Variants in SLC39A14 observed in about 807,000 individuals in gnomAD.
The protein encoded by SLC39A14 is metal cation symporter ZIP14.
In SLC39A14, 19 loss-of-function variants were observed where a neutral mutation model predicts 45.5. That is an observed-to-expected ratio of 0.42 (90% confidence interval 0.29 to 0.61). SLC39A14 has a LOEUF of 0.61. Among genes scored for constraint, SLC39A14 ranks in the 20% least tolerant of loss-of-function variants. SLC39A14 has a pLI of 0.22. For missense variants in SLC39A14, 447 were observed against 616.5 expected (o/e 0.73, Z 2.91); for synonymous variants, 264 against 251.3 (o/e 1.05, Z -0.48).
chr8:22,398,661 G>A, intron 1 of SLC39A14: 2 of 949,896 alleles, frequency 2.1e-6, no homozygotes, highest in Middle Eastern at 5.5e-4. Flanking sequence ...CGTCACAGAA[G>A]TGAATGTTTG....
Position 22,422,245 on chromosome 8 carries a change from C to T in SLC39A14, c.*2547C>T. On this transcript the variant is annotated 3_prime_UTR_variant, in exon 9 of 9. Transcript: ENST00000381237. ...TAGCAAGGAAAGTGTATGTCACGTG[C>T]AGGAACAGTGAGGCAGGGACAGGGG... 1 of 985,526 alleles carries T rather than the reference C, an allele frequency of 1.0e-6. No homozygotes were observed. The highest frequency in any genetic ancestry group is 1.2e-6 in the Non-Finnish European group (1 of 829,930). The allele number at this position is 985,526 out of a possible 1,614,324, so 61.0% of individuals were successfully genotyped here. A position where few individuals can be genotyped will look rare whatever the true frequency, so the allele number is the denominator to read the frequency against.
rs780465988 is a variant in SLC39A14, at chr8:22,419,758, C to T, written c.*60C>T. 8 of 1,509,840 alleles carry T rather than the reference C, an allele frequency of 5.3e-6. No individual in the cohort carries two copies. The highest frequency in any genetic ancestry group is 1.3e-5 in the South Asian group (1 of 74,516). The allele number at this position is 1,509,840 out of a possible 1,614,324, so 93.5% of individuals were successfully genotyped here. The stretch of plus-strand genomic sequence containing the variant: ...GCCCTGGGCTGCCCGATCGCCAGCC[C>T]GAGGACTTACCATCCACAATGCACC... On this transcript the variant is annotated 3_prime_UTR_variant, in exon 9 of 9. Transcript: ENST00000381237.
At chr8:22,433,262 C>T (rs1413996453) in intron 8 of SLC39A14, among the ~76,000 whole-genome samples, 1 of 151,338 alleles carries the variant, frequency 6.6e-6, no homozygotes, top group Non-Finnish European at 1.5e-5. Flanking sequence ...AGTTTTGGTT[C>T]GTTTCCATAT....
intron 1 of SLC39A14, among the ~76,000 whole-genome samples, chr8:22,395,102 C>T (rs1422637288): frequency 2.0e-5 from 3 of 151,892 alleles, no homozygotes; most frequent in African/African-American, 7.3e-5. Flanking sequence ...CTTCGCCTCC[C>T]GGGTTCAAGC....
At position 22,408,361 on chromosome 8, in the gene SLC39A14, C is replaced by T; in HGVS notation, c.322C>T (p.Arg108Trp). The T allele has an allele frequency of 1.2e-6, 2 of 1,614,212 alleles. No individual in the cohort carries two copies. Among genetic ancestry groups the T allele is most frequent in the Non-Finnish European group, 1.7e-6 (2 of 1,180,024 alleles). The change falls in exon 3 of 9, where the codon CGG (arginine) becomes TGG (tryptophan). Residue 108 changes from arginine (R) to tryptophan (W), a missense_variant. By Grantham distance (101) the Arg-to-Trp change is moderately radical (BLOSUM62 -3). Around this residue, in one of 2 missense-constraint regions of SLC39A14, gnomAD observed 342 missense variants for 428.1 expected, o/e 0.80. Coordinates refer to ENST00000381237, the MANE Select transcript of SLC39A14 (RefSeq NM_001128431.4). ...FTAHNFSEQS[R>W]IGSSELQEFC... is the part of the protein sequence containing the mutation. ...TGCCCACAATTTCAGCGAGCAGTCG[C>T]GGATTGGGAGCAGCGAGCTCCAGGA...
chr8:22,398,431 G>T (rs1051942111), intron 1 of SLC39A14: 2 of 152,296 alleles, frequency 1.3e-5, no homozygotes, highest in Admixed American at 1.3e-4. Flanking sequence ...AATCGTCTGA[G>T]TTGGGCAAGT....
At position 22,422,295 on chromosome 8, in the gene SLC39A14, C is replaced by T. The variant is rs182896428; in HGVS notation, c.*2597C>T. On this transcript the variant is annotated 3_prime_UTR_variant, in exon 9 of 9. Transcript: ENST00000381237. ...GTTCTGCTCCTTCTCACTTCACCAC[C>T]GGCACACAGCTTGCCCCTGTCTTTG... The T allele has an allele frequency of 2.1e-5, 21 of 985,666 alleles. No individual in the cohort carries two copies. The highest frequency in any genetic ancestry group is 9.4e-5 in the South Asian group (2 of 21,276). The allele number at this position is 985,666 out of a possible 1,614,324, so 61.1% of individuals were successfully genotyped here.
chr8:22,406,795 C>A (rs956928837), intron 2 of SLC39A14, among the ~76,000 whole-genome samples: 1 of 152,168 alleles, frequency 6.6e-6, no homozygotes, highest in Non-Finnish European at 1.5e-5. Context: ...CCCGTGCCCC[C>A]GCGGGGTAAT....
intron 1 of SLC39A14, among the ~76,000 whole-genome samples, chr8:22,381,464 G>T (rs1364889991): frequency 6.6e-6 from 1 of 150,862 alleles, no homozygotes; most frequent in Non-Finnish European, 1.5e-5. Flanking sequence ...TAGAGATGGG[G>T]TTTCACCGAG....
At chr8:22,425,889 G>GTTTTTTT (rs549782856), downstream of SLC39A14, among the ~76,000 whole-genome samples, 3 of 76,318 alleles carry the variant, frequency 3.9e-5, no homozygotes, top group Non-Finnish European at 6.1e-5. Flanking sequence ...GATGGTTTTT[G>GTTTTTTT]TTTTTTTTTT....
downstream of SLC39A14, chr8:22,422,832 G>C: frequency 2.0e-6 from 1 of 490,742 alleles, no homozygotes; most frequent in Non-Finnish European, 2.6e-6. Context: ...TTTTTTTGTT[G>C]TTGTTATTGA....
intron 1 of SLC39A14, chr8:22,390,293 T>C (rs1204483706): frequency 1.3e-5 from 2 of 151,454 alleles, no homozygotes; most frequent in Admixed American, 6.6e-5. Context: ...TCCTTTCTTT[T>C]TGACACTAGA....
chr8:22,369,224 GT>G (rs1464944378), intron 1 of SLC39A14, among the ~76,000 whole-genome samples: 1 of 152,170 alleles, frequency 6.6e-6, no homozygotes, highest in Non-Finnish European at 1.5e-5. Flanking sequence ...CCAAAAGCAG[GT>G]TCTTGCTTAA....
At chr8:22,432,358 G>A (rs1836478845) in intron 8 of SLC39A14, among the ~76,000 whole-genome samples, 1 of 151,688 alleles carries the variant, frequency 6.6e-6, no homozygotes, top group African/African-American at 2.4e-5. Context: ...AAATAAATAG[G>A]TGAAGATAAA....
At chr8:22,404,061 T>A (rs11988339) in intron 1 of SLC39A14, among the ~76,000 whole-genome samples, 47,242 of 151,814 alleles carry the variant, frequency 0.31, 10,116 homozygotes, top group African/African-American at 0.62. Context: ...CCTTTATTAT[T>A]TTGAAGCAGT....
chr8:22,368,684 G>C (rs150603732), intron 1 of SLC39A14, among the ~76,000 whole-genome samples: 2,274 of 151,666 alleles, frequency 0.015, 61 homozygotes, highest in African/African-American at 0.051. Context: ...CTACAGGCGC[G>C]TGCCACCATG....
chr8:22,417,807 T>C lies in SLC39A14; in HGVS notation c.1304T>C (p.Met435Thr), dbSNP rs1247593436. ...TGGATTTTTGCGCTAGCTGGAGGAATGTTCTTGTATATTTCTCTGGCTGAT... is the reference window on the plus strand; with the variant it reads ...TGGATTTTTGCGCTAGCTGGAGGAACGTTCTTGTATATTTCTCTGGCTGAT... ...ANWIFALAGGMFLYISLADMF... is the reference protein window; with the variant it reads ...ANWIFALAGGTFLYISLADMF... Residue 435 changes from methionine (M) to threonine (T), a missense_variant, in exon 8 of 9, where the codon ATG becomes ACG. This residue lies in a region of SLC39A14 where 105 missense variants were observed against 188.4 expected (regional missense o/e 0.56). Transcript: ENST00000381237. The C allele has an allele frequency of 6.2e-7, 1 of 1,614,096 alleles. No homozygotes were observed. Among genetic ancestry groups the C allele is most frequent in the South Asian group, 1.1e-5 (1 of 91,076 alleles).
At chr8:22,370,851 G>C (rs796304375) in intron 1 of SLC39A14, among the ~76,000 whole-genome samples, 151 of 152,298 alleles carry the variant, frequency 9.9e-4, no homozygotes, top group African/African-American at 3.5e-3. Flanking sequence ...CCGGGTGTCT[G>C]CAGTGGGGCT....
chr8:22,377,637 A>T (rs1290412383), intron 1 of SLC39A14, among the ~76,000 whole-genome samples: 1 of 152,194 alleles, frequency 6.6e-6, no homozygotes, highest in Non-Finnish European at 1.5e-5. Flanking sequence ...TTTCTCCAAC[A>T]GTGAAAAACC....
Sources: gnomAD v4.1 joint callset for allele counts (sites outside exome capture counted in the v4.1 genomes callset) on GRCh38, gnomAD v4.1.1 for gene constraint, gnomAD v4.1.1 regional missense constraint, MANE v1.5 for transcripts, NCBI Gene and HGNC (gene_info 2026-07-23, HGNC 2026-07-21) for gene names.